Variants in STAT3 observed in about 807,000 individuals in gnomAD.
The protein encoded by STAT3 is signal transducer and activator of transcription 3.
In STAT3, 7 loss-of-function variants were observed where a neutral mutation model predicts 114.3. The observed-to-expected ratio is 0.06, with a 90% CI of 0.03 to 0.11. The LOEUF is 0.11. STAT3 is among the 10% of genes least tolerant of loss of function. The pLI, the probability that STAT3 is intolerant of heterozygous loss-of-function variation, is 1.00. For synonymous variants in STAT3, 331 were observed against 354.5 expected (o/e 0.93, Z 0.74); for missense variants, 364 against 960.9 (o/e 0.38, Z 8.21).
chr17:42,332,294 C>A (rs1202809462), intron 10 of STAT3, among the ~76,000 whole-genome samples: 1 of 148,668 alleles, frequency 6.7e-6, no homozygotes, highest in East Asian at 2.1e-4. Flanking sequence ...AATCCCAGCA[C>A]TTTGGGAGGC....
Position 42,324,903 on chromosome 17 carries a change from C to T in STAT3, c.1465-57G>A. The T allele has an allele frequency of 6.2e-7, 1 of 1,614,190 alleles. No homozygotes were observed. Among genetic ancestry groups the T allele is most frequent in the Non-Finnish European group, 8.5e-7 (1 of 1,180,038 alleles). ...TGAGGGATGGTGCTCATTGTCTATA[C>T]TAGGTACCCCTAAGTCGCAAGAGAT... On this transcript the variant is annotated intron_variant, in intron 16 of 23. Coordinates refer to ENST00000264657, the MANE Select transcript of STAT3 (RefSeq NM_139276.3). This position sits in a 1 kb window ranked among gnomAD's most constrained non-coding sequence, Gnocchi z 4.5.
intron 1 of STAT3, among the ~76,000 whole-genome samples, chr17:42,384,624 G>A (rs1428455389): frequency 1.3e-5 from 2 of 151,444 alleles, no homozygotes; most frequent in African/African-American, 2.4e-5. Context: ...GCGGGATCAC[G>A]GCTCACTGCA....
At chr17:42,367,662 C>T (rs1006267829) in intron 1 of STAT3, among the ~76,000 whole-genome samples, 2 of 152,162 alleles carry the variant, frequency 1.3e-5, no homozygotes, top group Non-Finnish European at 2.9e-5. Context: ...AGCAACATCT[C>T]CCCTGCTGAA....
chr17:42,377,519 C>A (rs1415022679), intron 1 of STAT3, among the ~76,000 whole-genome samples: 1 of 152,096 alleles, frequency 6.6e-6, no homozygotes, highest in Non-Finnish European at 1.5e-5. Context: ...GAACAACACC[C>A]AGAGAATAAC....
chr17:42,358,648 G>A (rs1387729351), intron 1 of STAT3, among the ~76,000 whole-genome samples: 1 of 152,184 alleles, frequency 6.6e-6, no homozygotes, highest in Non-Finnish European at 1.5e-5. Context: ...CTGTATCAGT[G>A]TGGTGTGGGG....
intron 1 of STAT3, among the ~76,000 whole-genome samples, chr17:42,360,272 A>T (rs1165363592): frequency 1.3e-5 from 2 of 150,890 alleles, no homozygotes; most frequent in Non-Finnish European, 3.0e-5. Context: ...GGCTCAAGCG[A>T]TCCTCCAGCC....
intron 1 of STAT3, among the ~76,000 whole-genome samples, chr17:42,360,059 C>CA (rs71157617): frequency 0.4 from 18,877 of 47,118 alleles, 4,224 homozygotes; most frequent in African/African-American, 0.6. Context: ...GACTCCGTCT[C>CA]AAAAAAAAAA....
chr17:42,343,458 T>C (rs1267797169), intron 4 of STAT3, among the ~76,000 whole-genome samples: 1 of 63,696 alleles, frequency 1.6e-5, no homozygotes, highest in Non-Finnish European at 3.4e-5. Flanking sequence ...GATCTTTCTT[T>C]TTTTTTTTTT....
chr17:42,346,796 A>G (rs906606296), intron 2 of STAT3, 83 bp from the exon 3 acceptor site: 3 of 1,585,518 alleles, frequency 1.9e-6, no homozygotes, highest in Non-Finnish European at 2.6e-6. Flanking sequence ...AGAAAGAGGA[A>G]AAAAACAAAA....
intron 1 of STAT3, among the ~76,000 whole-genome samples, chr17:42,361,627 C>T (rs2083513846): frequency 1.3e-5 from 2 of 152,022 alleles, no homozygotes; most frequent in Non-Finnish European, 2.9e-5. Flanking sequence ...TCAGAATCTC[C>T]TGAGGAGCTC....
intron 14 of STAT3, among the ~76,000 whole-genome samples, chr17:42,326,556 C>T (rs2144734215): frequency 6.6e-6 from 1 of 151,712 alleles, no homozygotes; most frequent in East Asian, 2.0e-4. Flanking sequence ...TGATGGCTCA[C>T]ACCTACAATC....
rs1480784574 is a variant in STAT3, at chr17:42,315,291, A to G, written c.*454T>C. On this transcript the variant is annotated 3_prime_UTR_variant, in exon 24 of 24. Coordinates refer to ENST00000264657, the MANE Select transcript of STAT3 (RefSeq NM_139276.3). ...TCTATTTGGATGTCAGCAAGGTTAA[A>G]AAGTGCAATGCCAGGAGTATGTAGC... The G allele has an allele frequency of 6.0e-6, 2 of 331,146 alleles. No individual in the cohort carries two copies. Among genetic ancestry groups the G allele is most frequent in the African/African-American group, 4.2e-5 (2 of 47,254 alleles). 20.5% of individuals were successfully genotyped at this position (331,146 alleles called of 1,614,324 possible).
chr17:42,357,798 C>A (rs911042637), intron 1 of STAT3, among the ~76,000 whole-genome samples: 1 of 152,006 alleles, frequency 6.6e-6, no homozygotes, highest in African/African-American at 2.4e-5. Flanking sequence ...AAACATAACT[C>A]AAAATAAGTA....
At chr17:42,383,570 A>C (rs1366527585) in intron 1 of STAT3, among the ~76,000 whole-genome samples, 1 of 152,212 alleles carries the variant, frequency 6.6e-6, no homozygotes. Flanking sequence ...CCATGTGGCC[A>C]TACTGACTAA....
At chr17:42,326,276 G>C in intron 14 of STAT3, 77 bp from the exon 15 acceptor site, 1 of 1,361,172 alleles carries the variant, frequency 7.3e-7, no homozygotes, top group Non-Finnish European at 1.0e-6. Context: ...GGGAGGCCAA[G>C]GCAGGAGGAT....
chr17:42,331,381 A>G, intron 11 of STAT3, 91 bp downstream of exon 11: 1 of 1,188,556 alleles, frequency 8.4e-7, no homozygotes. Context: ...TCTCTGAATA[A>G]AGACAGAGTC....
At chr17:42,336,339 A>G (rs772747937) in intron 8 of STAT3, among the ~76,000 whole-genome samples, 9 of 152,316 alleles carry the variant, frequency 5.9e-5, no homozygotes, top group Non-Finnish European at 1.3e-4. Context: ...GCTCACATCT[A>G]TAATTCCAGA....
intron 1 of STAT3, among the ~76,000 whole-genome samples, chr17:42,350,341 G>A (rs186343236): frequency 1.3e-5 from 2 of 152,198 alleles, no homozygotes; most frequent in Non-Finnish European, 2.9e-5. Flanking sequence ...AGGTGCGATC[G>A]TGGAACCTCT....
rs2144772219 is a variant in STAT3, at chr17:42,329,563, G to A, written c.1224C>T (p.Phe408=). Residue 408 remains phenylalanine (F), a synonymous_variant, in exon 13 of 24, where the codon TTC becomes TTT. Coordinates refer to ENST00000264657, the MANE Select transcript of STAT3 (RefSeq NM_139276.3). ...AGCTCCTCCCACATACCAAGTGTTT[G>A]AATTCTGCAGAGAGGCTGCCGTTGT... ...ESNNGSLSAE[F]KHLTLREQRC... 6.2e-7 allele frequency: 1 copy of A among 1,614,226 alleles called. No homozygotes were observed. The highest frequency in any genetic ancestry group is 8.5e-7 in the Non-Finnish European group (1 of 1,180,040).
Sources: allele counts gnomAD v4.1 joint callset (sites outside exome capture counted in the v4.1 genomes callset), GRCh38; gene constraint gnomAD v4.1.1; non-coding constraint Gnocchi (gnomAD v3.1); transcripts MANE v1.5; gene names NCBI Gene and HGNC (gene_info 2026-07-23, HGNC 2026-07-21).